The following HERPUD1 variants were observed in gnomAD, a reference collection of about 807,000 sequenced individuals.
The protein encoded by HERPUD1 is homocysteine-responsive endoplasmic reticulum-resident ubiquitin-like domain member 1 protein.
Under a neutral mutation model 45.0 loss-of-function variants are expected in HERPUD1, and 17 were observed. That is an observed-to-expected ratio of 0.38 (90% CI 0.26 to 0.57). The LOEUF (loss-of-function observed/expected upper bound fraction) is 0.57. HERPUD1 is among the 20% of genes least tolerant of loss of function. HERPUD1 has a pLI of 0.72. For synonymous variants in HERPUD1, 164 were observed against 177.5 expected, an observed-to-expected ratio of 0.92 and a Z score of 0.61; for missense variants, 420 against 490.5, an observed-to-expected ratio of 0.86 and a Z score of 1.36.
chr16:56,933,064 A>G (rs1424666467), intron 1 of HERPUD1: 2 of 328,464 alleles, frequency 6.1e-6, no homozygotes, highest in East Asian at 8.5e-5. Context: ...TGGTTGACAC[A>G]TCTGTCAACA....
In HERPUD1 at chr16:56,940,030, T is replaced by G; in HGVS notation, c.690T>G (p.Ala230=). The G allele has an allele frequency of 6.2e-7, 1 of 1,614,238 alleles. No homozygotes were observed. The highest frequency in any genetic ancestry group is 8.5e-7 in the Non-Finnish European group (1 of 1,180,038). The change falls in exon 6 of 8, where the codon GCT becomes GCG. Residue 230 remains alanine, a synonymous_variant. Coordinates refer to ENST00000439977, the MANE Select transcript of HERPUD1 (RefSeq NM_014685.4). ...PAENQPANQN[A]APQVVVNPGA... ...AAAACCAGCCTGCCAATCAGAATGC[T>G]GCTCCTCAAGTGGTTGTTAATCCTG...
chr16:56,939,207 A>T, intron 4 of HERPUD1, 30 bp from the exon 5 acceptor site: 1 of 1,609,714 alleles, frequency 6.2e-7, no homozygotes, highest in Non-Finnish European at 8.5e-7. Context: ...AACCCACTCA[A>T]AATGAGTGTT....
At chr16:56,936,562 AT>A (rs1372964114) in intron 3 of HERPUD1, 124 bp from the exon 4 acceptor site, 19 of 769,506 alleles carry the variant, frequency 2.5e-5, no homozygotes, top group Non-Finnish European at 3.5e-5. Context: ...CTTCTGTTTA[AT>A]TTTGTCACGT....
chr16:56,942,802 A>G (rs756581787), intron 7 of HERPUD1, among the ~76,000 whole-genome samples: 1 of 152,158 alleles, frequency 6.6e-6, no homozygotes, highest in Non-Finnish European at 1.5e-5. Context: ...CCAAGATCAC[A>G]CCACTGCACT....
Position 56,939,832 on chromosome 16 carries a change from T to C in HERPUD1, c.555-63T>C, listed in dbSNP as rs550183772. On this transcript the variant is annotated intron_variant, in intron 5 of 7. Coordinates refer to ENST00000439977, the MANE Select transcript of HERPUD1 (RefSeq NM_014685.4). ...TAACAGTAAAAGACTGCTGTGTAAA[T>C]AAGCCACAGACTTCACGGTGCTTTG... The C allele has an allele frequency of 3.4e-3, 4,412 of 1,291,076 alleles. 25 individuals carry two copies. The highest frequency in any genetic ancestry group is 0.017 in the South Asian group (1,278 of 75,394). The allele number at this position is 1,291,076 out of a possible 1,614,324, so 80.0% of individuals were successfully genotyped here.
rs2144829582 is a variant in HERPUD1 at position 56,943,764 on chromosome 16, C to G, written c.*474C>G. 1 of 239,650 alleles carries G rather than the reference C, an allele frequency of 4.2e-6. No homozygotes were observed. Among genetic ancestry groups the G allele is most frequent in the South Asian group, 1.0e-4 (1 of 10,034 alleles). The allele number at this position is 239,650 out of a possible 1,614,324, so 14.8% of individuals were successfully genotyped here. On this transcript the variant is annotated 3_prime_UTR_variant, in exon 8 of 8. Transcript: ENST00000439977. ...TTTAGCAGGACTTTTCTAGGAAAGA[C>G]TTATGTATAATTGCTTTTTAAAATG...
At position 56,939,920 on chromosome 16, in the gene HERPUD1, G is replaced by T. The variant is rs752372574; in HGVS notation, c.580G>T (p.Ala194Ser). 2 of 1,611,352 alleles carry T rather than the reference G, an allele frequency of 1.2e-6. No homozygotes were observed. The highest frequency in any genetic ancestry group is 3.3e-5 in the Admixed American group (2 of 59,992). The change falls in exon 6 of 8, where the codon GCT (alanine) becomes TCT (serine). Residue 194 changes from alanine (A) to serine (S), a missense_variant. Physicochemically the swap from Ala to Ser is moderately conservative, Grantham distance 99 (BLOSUM62 1). Transcript: ENST00000439977. ...TTTAGCAGCCACTGCTGCATCAGGG[G>T]CTTTTGTTCCACCACCAAGTGCACA... ...QYLAATAASG[A>S]FVPPPSAQEI...
intron 1 of HERPUD1, among the ~76,000 whole-genome samples, chr16:56,932,610 G>A (rs377104616): frequency 1.3e-5 from 2 of 152,258 alleles, no homozygotes; most frequent in Non-Finnish European, 2.9e-5. Flanking sequence ...GCCTGACCTT[G>A]GGCGAGTCAT....
At chr16:56,939,109 C>T (rs190802396) in intron 4 of HERPUD1, 128 bp from the exon 5 acceptor site, 4 of 1,007,644 alleles carry the variant, frequency 4.0e-6, no homozygotes, top group Admixed American at 4.4e-5. Context: ...AGTCATTTAC[C>T]ATGTAACTGC....
At chr16:56,941,491 C>T (rs1426423277) in intron 6 of HERPUD1, 1 of 152,176 alleles carries the variant, frequency 6.6e-6, no homozygotes, top group African/African-American at 2.4e-5. Flanking sequence ...CTCAATATGT[C>T]ACTAGTGCCA....
intron 1 of HERPUD1, 83 bp downstream of exon 1, chr16:56,932,474 G>C (rs1336934193): frequency 1.1e-5 from 14 of 1,263,238 alleles, no homozygotes; most frequent in Non-Finnish European, 1.5e-5. Flanking sequence ...GCCCTGTCCT[G>C]TGGCCTCCTC....
At chr16:56,936,865 C>A in intron 4 of HERPUD1, 48 bp downstream of exon 4, 1 of 1,592,362 alleles carries the variant, frequency 6.3e-7, no homozygotes, top group Non-Finnish European at 8.6e-7. Context: ...GAATGTTCCT[C>A]GTTTGCATCA....
At chr16:56,936,882 G>C in intron 4 of HERPUD1, 65 bp downstream of exon 4, 4 of 1,568,704 alleles carry the variant, frequency 2.5e-6, no homozygotes, top group Non-Finnish European at 3.5e-6. Flanking sequence ...ATCAATTTAA[G>C]AATAAGGTAT....
At chr16:56,943,087 T>TCTCATTGTTTCATTAC (rs770796139) in intron 7 of HERPUD1, 39 bp from the exon 8 acceptor site, 2 of 1,600,980 alleles carry the variant, frequency 1.2e-6, no homozygotes, top group African/African-American at 2.7e-5. Flanking sequence ...CTAATTGTTT[T>TCTCATTGTTTCATTAC]CTCATTGTTT....
chr16:56,939,990 A>C lies in HERPUD1; in HGVS notation c.650A>C (p.Asn217Thr). The C allele has an allele frequency of 1.2e-6, 2 of 1,614,160 alleles. No homozygotes were observed. Among genetic ancestry groups the C allele is most frequent in the Non-Finnish European group, 1.7e-6 (2 of 1,180,008 alleles). ...GCACCTGCTCCAGCCCCTATTCACAACCAGTTTCCAGCTGAAAACCAGCCT... is the reference window on the plus strand; with the variant it reads ...GCACCTGCTCCAGCCCCTATTCACACCCAGTTTCCAGCTGAAAACCAGCCT... ...VSAPAPAPIH[N>T]QFPAENQPAN... Residue 217 changes from asparagine to threonine, a missense_variant, in exon 6 of 8, where the codon AAC becomes ACC. Physicochemically the swap from Asn to Thr is moderately conservative, Grantham distance 65. Coordinates refer to ENST00000439977, the MANE Select transcript of HERPUD1 (RefSeq NM_014685.4).
intron 4 of HERPUD1, chr16:56,937,347 T>C (rs532940379): frequency 6.6e-6 from 1 of 152,344 alleles, no homozygotes; most frequent in East Asian, 1.9e-4. Flanking sequence ...TTATAGCTCT[T>C]GGAATACATT....
Position 56,939,882 on chromosome 16 carries a change from G to A in HERPUD1, c.555-13G>A, listed in dbSNP as rs745591753. 1.0e-5 allele frequency: 16 copies of A among 1,601,642 alleles called. No homozygotes were observed. Among genetic ancestry groups the A allele is most frequent in the South Asian group, 7.7e-5 (7 of 90,770 alleles). ...GGTCTCAACAGTATCTGCCTCTGTC[G>A]TTTTTATTTTAGTTTAGCAGCCACT... On this transcript the variant is annotated splice_polypyrimidine_tract_variant and intron_variant, in intron 5 of 7. Coordinates refer to ENST00000439977, the MANE Select transcript of HERPUD1 (RefSeq NM_014685.4).
At chr16:56,941,223 C>G (rs2055907028) in intron 6 of HERPUD1, 2 of 152,242 alleles carry the variant, frequency 1.3e-5, no homozygotes, top group Admixed American at 6.5e-5. Flanking sequence ...TAAAGTCAGG[C>G]ACTGACTGTT....
At chr16:56,933,582 C>T (rs1315326406) in intron 1 of HERPUD1, among the ~76,000 whole-genome samples, 4 of 152,206 alleles carry the variant, frequency 2.6e-5, no homozygotes, top group South Asian at 4.1e-4. Flanking sequence ...ATGCCGCTCC[C>T]ATCTGTTCAG....
Sources: gnomAD v4.1 joint callset for allele counts (sites outside exome capture counted in the v4.1 genomes callset) on GRCh38, gnomAD v4.1.1 for gene constraint, MANE v1.5 for transcripts, NCBI Gene and HGNC (gene_info 2026-07-23, HGNC 2026-07-21) for gene names.